Variants in TMEM260 observed in about 807,000 individuals in gnomAD.
TMEM260 encodes the protein protein O-mannosyl-transferase TMEM260.
In TMEM260, 82 loss-of-function variants were observed where a neutral mutation model predicts 88.9. The ratio of observed to expected loss-of-function variants is 0.92; its 90% CI spans 0.77 to 1.11. TMEM260 has a LOEUF of 1.11. Among genes scored for constraint, TMEM260 ranks in the 50% least tolerant of loss-of-function variants. The pLI is 0.00. For missense variants in TMEM260, 902 were observed against 853.4 expected (o/e 1.06, Z -0.71); for synonymous variants, 314 against 309.3 (o/e 1.02, Z -0.16).
chr14:56,641,409 C>T (rs1889583713), intron 15 of TMEM260, among the ~76,000 whole-genome samples: 1 of 152,102 alleles, frequency 6.6e-6, no homozygotes, highest in Non-Finnish European at 1.5e-5. Context: ...CATATCCAGC[C>T]AAACTAAGCT....
downstream of TMEM260, among the ~76,000 whole-genome samples, chr14:56,651,311 A>G (rs1364807775): frequency 1.3e-5 from 2 of 148,612 alleles, no homozygotes; most frequent in Non-Finnish European, 3.0e-5. Context: ...ATATCCTGAA[A>G]AAGGGGTTTT....
intron 9 of TMEM260, among the ~76,000 whole-genome samples, chr14:56,617,598 A>G (rs949856644): frequency 2.6e-5 from 4 of 152,152 alleles, no homozygotes; most frequent in African/African-American, 9.7e-5. Flanking sequence ...GAATTTTTTT[A>G]ACAGCAAAAG....
At chr14:56,646,305 A>G (rs1335370494) in intron 15 of TMEM260, among the ~76,000 whole-genome samples, 3 of 152,222 alleles carry the variant, frequency 2.0e-5, no homozygotes, top group Admixed American at 2.0e-4. Context: ...CTTTTAACTA[A>G]ATTATGTAAT....
intron 3 of TMEM260, among the ~76,000 whole-genome samples, chr14:56,587,147 T>C (rs2151776): frequency 0.37 from 56,283 of 151,590 alleles, 11,704 homozygotes; most frequent in East Asian, 0.62. Flanking sequence ...CTAGGTTGAA[T>C]GGGAACTTCC....
chr14:56,615,035 A>G (rs1236347526), intron 7 of TMEM260, among the ~76,000 whole-genome samples: 1 of 152,234 alleles, frequency 6.6e-6, no homozygotes, highest in East Asian at 1.9e-4. Context: ...ATCTCCAAGA[A>G]TAATTTTGAG....
chr14:56,593,677 C>CTTT lies in TMEM260; in HGVS notation c.344+7791_344+7793dup, dbSNP rs34268894. Among the ~76,000 whole-genome samples, 193 of 63,502 alleles carry CTTT rather than the reference C, an allele frequency of 3.0e-3. 50 individuals are homozygous for CTTT. Among genetic ancestry groups the CTTT allele is most frequent in the South Asian group, 6.0e-3 (7 of 1,162 alleles). The allele number at this position is 63,502 out of a possible 152,430, so 41.7% of individuals were successfully genotyped here. On this transcript the variant is annotated intron_variant, in intron 3 of 15. Coordinates refer to ENST00000261556, the MANE Select transcript of TMEM260 (RefSeq NM_017799.4). Reference sequence around the variant, plus strand: ...ATTATTGGTATTGACAGGTGAGTGTCTTTTTTTTTTTTTTTTTTTTTTTTT... The same window carrying CTTT: ...ATTATTGGTATTGACAGGTGAGTGTCTTTTTTTTTTTTTTTTTTTTTTTTTTTT...
In TMEM260 at chr14:56,648,759, T is replaced by C. The variant is rs1464667529; in HGVS notation, c.*1262T>C. ...TCTTTTAAAATGCTGCAGGATGCCA[T>C]GTAGGCATCTGTCTGGAGTGTCCTT... On this transcript the variant is annotated 3_prime_UTR_variant, in exon 16 of 16. Coordinates refer to ENST00000261556, the MANE Select transcript of TMEM260 (RefSeq NM_017799.4). The C allele has an allele frequency of 6.6e-6, 1 of 152,662 alleles. No individual in the cohort carries two copies. Among genetic ancestry groups the C allele is most frequent in the African/African-American group, 2.4e-5 (1 of 41,450 alleles). 9.5% of individuals were successfully genotyped at this position (152,662 alleles called of 1,614,324 possible).
intron 3 of TMEM260, among the ~76,000 whole-genome samples, chr14:56,596,404 G>GTGTGTGTGTGTA (rs1886216876): frequency 7.9e-6 from 1 of 127,064 alleles, no homozygotes; most frequent in Admixed American, 7.8e-5. Context: ...GTGTGTGTGT[G>GTGTGTGTGTGTA]TGTATATATA....
intron 14 of TMEM260, 87 bp from the exon 15 acceptor site, chr14:56,636,421 T>G: frequency 1.0e-6 from 1 of 984,348 alleles, no homozygotes; most frequent in Non-Finnish European, 1.6e-6. Context: ...ACATCCCTTA[T>G]CAGTGGAGAA....
intron 15 of TMEM260, among the ~76,000 whole-genome samples, chr14:56,646,497 TGTTA>T (rs1038988974): frequency 9.9e-5 from 15 of 151,488 alleles, no homozygotes; most frequent in African/African-American, 3.4e-4. Flanking sequence ...CGTTTTTGTT[TGTTA>T]AATTTTTGAT....
intron 10 of TMEM260, 81 bp from the exon 11 acceptor site, chr14:56,621,450 A>G: frequency 9.9e-7 from 1 of 1,005,608 alleles, no homozygotes; most frequent in Non-Finnish European, 1.4e-6. Flanking sequence ...TGGGAAAAGA[A>G]TGGCATAGAA....
chr14:56,587,770 G>A (rs376421314), intron 3 of TMEM260, among the ~76,000 whole-genome samples: 4 of 151,936 alleles, frequency 2.6e-5, no homozygotes, highest in African/African-American at 7.2e-5. Context: ...CAAGGTACAC[G>A]TCCTTTGGGA....
downstream of TMEM260, chr14:56,650,139 G>A (rs1346907425): frequency 2.2e-6 from 1 of 450,800 alleles, no homozygotes; most frequent in Non-Finnish European, 4.4e-6. Flanking sequence ...TGAGGAGACT[G>A]TAATGGAGGT....
chr14:56,585,973 C>A, intron 3 of TMEM260, 61 bp downstream of exon 3: 1 of 1,540,938 alleles, frequency 6.5e-7, no homozygotes, highest in Non-Finnish European at 8.8e-7. Flanking sequence ...TTTCTTATGG[C>A]TCAAGTACAT....
intron 3 of TMEM260, among the ~76,000 whole-genome samples, chr14:56,596,381 A>AGAGTGTGTGTGTGT (rs1555334739): frequency 0.016 from 1,963 of 126,540 alleles, 21 homozygotes; most frequent in South Asian, 0.046. Context: ...TATATGTGAG[A>AGAGTGTGTGTGTGT]GTGTGTGTGT....
chr14:56,579,962 C>G lies in TMEM260; in HGVS notation c.48C>G (p.Val16=), dbSNP rs2139483717. 1.6e-6 allele frequency: 2 copies of G among 1,241,046 alleles called. No individual in the cohort carries two copies. Among genetic ancestry groups the G allele is most frequent in the East Asian group, 6.3e-5 (2 of 31,776 alleles). The allele number at this position is 1,241,046 out of a possible 1,614,324, so 76.9% of individuals were successfully genotyped here. ...DGRGQAQGRA[V]RVGLRRSGGI... ...GGGGCCAGGCCCAGGGGCGGGCAGT[C>G]CGAGTGGGGCTGCGGCGCTCCGGGG... Residue 16 remains valine (V), a synonymous_variant, in exon 1 of 16, where the codon GTC becomes GTG. Coordinates refer to ENST00000261556, the MANE Select transcript of TMEM260 (RefSeq NM_017799.4).
At chr14:56,595,335 C>G (rs1357478639) in intron 3 of TMEM260, among the ~76,000 whole-genome samples, 2 of 151,790 alleles carry the variant, frequency 1.3e-5, no homozygotes, top group Non-Finnish European at 2.9e-5. Flanking sequence ...ATGGAGGGTT[C>G]ATTGTTGTTT....
chr14:56,631,166 G>T lies in TMEM260; in HGVS notation c.1548-1829G>T, dbSNP rs115225203. Among the ~76,000 whole-genome samples, 330 of 152,304 alleles carry T rather than the reference G, an allele frequency of 2.2e-3. 2 individuals carry two copies. The highest frequency in any genetic ancestry group is 7.5e-3 in the African/African-American group (313 of 41,568). On this transcript the variant is annotated intron_variant, in intron 12 of 15. Transcript: ENST00000261556. ...AGGAAGGAAACCACACTTGGAAGAA[G>T]GCCAAGCAGGCGACTTGACAGACAA...
intron 7 of TMEM260, among the ~76,000 whole-genome samples, chr14:56,614,584 A>G (rs1887488499): frequency 6.6e-6 from 1 of 152,190 alleles, no homozygotes; most frequent in Admixed American, 6.5e-5. Flanking sequence ...GAGTAATCCT[A>G]GACCATATGT....
Sources: gnomAD v4.1 joint callset for allele counts (sites outside exome capture counted in the v4.1 genomes callset) on GRCh38, gnomAD v4.1.1 for gene constraint, MANE v1.5 for transcripts, NCBI Gene and HGNC (gene_info 2026-07-23, HGNC 2026-07-21) for gene names.